ARID2: variants seen among roughly 807,000 people sequenced by gnomAD.
ARID2 encodes the protein AT-rich interactive domain-containing protein 2.
Under a neutral mutation model 184.6 loss-of-function variants are expected in ARID2, and 32 were observed. The observed-to-expected ratio is 0.17, with a 90% CI of 0.13 to 0.23. The LOEUF (loss-of-function observed/expected upper bound fraction) is 0.23. ARID2 is among the 10% of genes least tolerant of loss of function. The probability of loss-of-function intolerance (pLI) is 1.00; values close to 1 mark genes in which losing one functional copy is unlikely to be tolerated. For missense variants in ARID2, 1,696 were observed against 2,197.6 expected, an observed-to-expected ratio of 0.77 and a Z score of 4.56; for synonymous variants, 836 against 772.6, an observed-to-expected ratio of 1.08 and a Z score of -1.36.
At chr12:45,765,514 GTT>G (rs561418730) in intron 3 of ARID2, among the ~76,000 whole-genome samples, 1 of 140,626 alleles carries the variant, frequency 7.1e-6, no homozygotes, top group Non-Finnish European at 1.6e-5. Context: ...CCTGGCCTCG[GTT>G]TTTTTTTTTT....
intron 3 of ARID2, among the ~76,000 whole-genome samples, chr12:45,761,782 C>A (rs1320035871): frequency 6.6e-6 from 1 of 151,788 alleles, no homozygotes; most frequent in African/African-American, 2.4e-5. Context: ...CTGCAAAATT[C>A]TGTCATTTTT....
chr12:45,873,667 T>A (rs1943961063), intron 16 of ARID2, among the ~76,000 whole-genome samples: 1 of 152,212 alleles, frequency 6.6e-6, no homozygotes, highest in Non-Finnish European at 1.5e-5. Flanking sequence ...TATTTTTGTT[T>A]CTTAGTGCAT....
At position 45,747,411 on chromosome 12, in the gene ARID2, A is replaced by G. The variant is rs1206923615; in HGVS notation, c.284+16097A>G. Among the ~76,000 whole-genome samples, 5 of 152,136 alleles carry G rather than the reference A, an allele frequency of 3.3e-5. No homozygotes were observed. The East Asian group carries it at 9.7e-4, about 29-fold the overall frequency. On this transcript the variant is annotated intron_variant, in intron 3 of 20. Coordinates refer to ENST00000334344, the MANE Select transcript of ARID2 (RefSeq NM_152641.4). ...CATTGCTAGTGCAGAATTAGAGTTT[A>G]GTTTTGTGAGTTATAGTGTACTGCT...
intron 20 of ARID2, among the ~76,000 whole-genome samples, chr12:45,899,655 A>ATATATATATATATGTT (rs1944423078): frequency 3.9e-5 from 2 of 51,486 alleles, no homozygotes; most frequent in Non-Finnish European, 7.0e-5. Context: ...ATATTTGGTT[A>ATATATATATATATGTT]TATATATATA....
intron 4 of ARID2, among the ~76,000 whole-genome samples, chr12:45,813,949 G>A (rs1484370431): frequency 6.6e-6 from 1 of 151,320 alleles, no homozygotes; most frequent in African/African-American, 2.4e-5. Context: ...TTTTTTCCTT[G>A]GTATTGATTG....
chr12:45,802,081 C>G (rs552696629), intron 3 of ARID2, among the ~76,000 whole-genome samples: 1 of 150,230 alleles, frequency 6.7e-6, no homozygotes, highest in Non-Finnish European at 1.5e-5. Flanking sequence ...CACCCACCCC[C>G]GAGACGACAG....
Position 45,817,350 on chromosome 12 carries a change from C to G in ARID2, c.419-320C>G, listed in dbSNP as rs532955748. 7.9e-5 allele frequency among the ~76,000 whole-genome samples: 12 copies of G among 151,906 alleles called. No individual in the cohort carries two copies. The East Asian group carries it at 2.1e-3, about 27-fold the overall frequency. On this transcript the variant is annotated intron_variant, in intron 4 of 20. Coordinates refer to ENST00000334344, the MANE Select transcript of ARID2 (RefSeq NM_152641.4). ...TCCTGGGCAACAGAGCCAGACATGT[C>G]TCAGAAAATAAAAAAAGTGCAGCTA...
In ARID2 at chr12:45,839,330, C is replaced by T. The variant is rs1943290259; in HGVS notation, c.1332C>T (p.Asp444=). The T allele has an allele frequency of 3.1e-6, 5 of 1,600,940 alleles. No individual in the cohort carries two copies. Among genetic ancestry groups the T allele is most frequent in the Non-Finnish European group, 3.4e-6 (4 of 1,176,046 alleles). ...ACTATTGCTTTTTATTTATTTTAGA[C>T]ATGTTAGTGTGTCTGGTTTCTATGG... ...TKIAKVEKSI[D]MLVCLVSMDI... Residue 444 remains aspartate, a splice_region_variant and synonymous_variant, in exon 11 of 21, where the codon GAC becomes GAT. Transcript: ENST00000334344.
At chr12:45,797,679 TACTC>T (rs1274687165) in intron 3 of ARID2, among the ~76,000 whole-genome samples, 3 of 152,114 alleles carry the variant, frequency 2.0e-5, no homozygotes, top group East Asian at 1.9e-4. Context: ...TTAAATTTCT[TACTC>T]ACCTGGAATT....
chr12:45,753,671 C>T (rs7315793), intron 3 of ARID2, among the ~76,000 whole-genome samples: 2,180 of 152,076 alleles, frequency 0.014, 31 homozygotes, highest in Non-Finnish European at 0.022. Context: ...AGTGCGATTG[C>T]GTCTCACTGC....
At chr12:45,732,540 C>A (rs1357139472) in intron 3 of ARID2, among the ~76,000 whole-genome samples, 1 of 152,026 alleles carries the variant, frequency 6.6e-6, no homozygotes, top group African/African-American at 2.4e-5. Context: ...AATTAAAGGG[C>A]TAAATCAAAA....
In ARID2 at chr12:45,794,615, G is replaced by A. The variant is rs576679871; in HGVS notation, c.285-16803G>A. Among the ~76,000 whole-genome samples, 28 of 152,300 alleles carry A rather than the reference G, an allele frequency of 1.8e-4. No individual in the cohort carries two copies. In the South Asian group the frequency reaches 5.8e-3, roughly 32 times the overall value. ...TCTCCAGTAGTTAGGGCTAATTGCA[G>A]CACCAGGGATAGCTCCCGGTGTGTT... is the stretch of plus-strand genomic sequence containing the variant. On this transcript the variant is annotated intron_variant, in intron 3 of 20. Coordinates refer to ENST00000334344, the MANE Select transcript of ARID2 (RefSeq NM_152641.4).
At chr12:45,817,102 AT>A (rs1216448499) in intron 4 of ARID2, among the ~76,000 whole-genome samples, 4 of 152,202 alleles carry the variant, frequency 2.6e-5, no homozygotes, top group Admixed American at 6.5e-5. Context: ...CATGCATGTA[AT>A]GCAGCACTTT....
At chr12:45,774,038 T>C (rs1941931101) in intron 3 of ARID2, among the ~76,000 whole-genome samples, 1 of 152,194 alleles carries the variant, frequency 6.6e-6, no homozygotes, top group Admixed American at 6.5e-5. Flanking sequence ...AATTATCTTG[T>C]AACTAGTTTA....
At chr12:45,889,469 G>C (rs956129274) in intron 16 of ARID2, among the ~76,000 whole-genome samples, 3 of 152,162 alleles carry the variant, frequency 2.0e-5, no homozygotes, top group Admixed American at 6.5e-5. Flanking sequence ...GATTGCTGGA[G>C]TAGTTTTAAG....
chr12:45,781,334 C>T (rs114283184), intron 3 of ARID2, among the ~76,000 whole-genome samples: 1,089 of 18,250 alleles, frequency 0.06, 21 homozygotes, highest in African/African-American at 0.17. Context: ...TGATTGTTGA[C>T]AGAATTAATT....
At chr12:45,767,478 G>A (rs181939247) in intron 3 of ARID2, among the ~76,000 whole-genome samples, 31 of 152,038 alleles carry the variant, frequency 2.0e-4, no homozygotes, top group Non-Finnish European at 3.8e-4. Context: ...GAATAATCCT[G>A]TAAGTGAGGA....
chr12:45,849,076 T>G, intron 13 of ARID2, 106 bp downstream of exon 13: 2 of 1,316,618 alleles, frequency 1.5e-6, no homozygotes, highest in Non-Finnish European at 2.0e-6. Context: ...ATATTTCTAC[T>G]ACTAGAAGTT....
chr12:45,778,170 C>T (rs371366487), intron 3 of ARID2, among the ~76,000 whole-genome samples: 6 of 152,064 alleles, frequency 3.9e-5, no homozygotes, highest in East Asian at 3.9e-4. Flanking sequence ...TGCGCCATTG[C>T]GCTCCAGCCT....
Sources: allele counts gnomAD v4.1 joint callset (sites outside exome capture counted in the v4.1 genomes callset), GRCh38; gene constraint gnomAD v4.1.1; transcripts MANE v1.5; gene names NCBI Gene and HGNC (gene_info 2026-07-23, HGNC 2026-07-21).